Variants in TANC2 observed in about 807,000 individuals in gnomAD.
TANC2 encodes protein TANC2.
Under a neutral mutation model 210.5 loss-of-function variants are expected in TANC2, and 26 were observed. The observed-to-expected ratio is 0.12, with a 90% CI of 0.09 to 0.17. TANC2 has a LOEUF of 0.17. TANC2 is among the 10% of genes least tolerant of loss of function. The probability of loss-of-function intolerance (pLI) is 1.00; values close to 1 mark genes in which losing one functional copy is unlikely to be tolerated. For synonymous variants in TANC2, 931 were observed against 967.1 expected (o/e 0.96, Z 0.69); for missense variants, 2,129 against 2,608.9 (o/e 0.82, Z 4.01).
intron 7 of TANC2, among the ~76,000 whole-genome samples, chr17:63,227,115 C>T (rs2042349210): frequency 6.6e-6 from 1 of 152,032 alleles, no homozygotes; most frequent in South Asian, 2.1e-4. Context: ...TGGGTATATA[C>T]CCAGTAATAG....
Position 63,108,440 on chromosome 17 carries a change from G to C in TANC2, c.322+9083G>C, listed in dbSNP as rs552333624. On this transcript the variant is annotated intron_variant, in intron 4 of 27. Coordinates refer to ENST00000689528, the Ensembl canonical transcript of TANC2. ...AAGTTTTTAAAAGCTTAATTCAGCC[G>C]AGTGTAGAACCTCATACTGAAAAAC... Among the ~76,000 whole-genome samples the C allele has an allele frequency of 3.3e-5, 5 of 151,856 alleles. 1 individual carries two copies. The highest frequency in any genetic ancestry group is 1.2e-4 in the African/African-American group (5 of 41,138).
chr17:63,368,293 T>C (rs2047168408), intron 14 of TANC2, among the ~76,000 whole-genome samples: 1 of 151,982 alleles, frequency 6.6e-6, no homozygotes, highest in Admixed American at 6.6e-5. Context: ...AGAAAGTGAG[T>C]CCTATTTTGG....
At chr17:63,182,935 G>A (rs1193782057) in intron 5 of TANC2, 1 of 152,266 alleles carries the variant, frequency 6.6e-6, no homozygotes, top group Non-Finnish European at 1.5e-5. Context: ...GAGGATTAAG[G>A]AACATTTCTT....
At chr17:63,112,616 T>C (rs1177409606) in intron 4 of TANC2, among the ~76,000 whole-genome samples, 1 of 152,196 alleles carries the variant, frequency 6.6e-6, no homozygotes, top group Non-Finnish European at 1.5e-5. Flanking sequence ...CTGGGCAGAT[T>C]AGTTCTTTTT....
At chr17:63,219,642 C>T (rs2042116021) in intron 7 of TANC2, among the ~76,000 whole-genome samples, 1 of 152,082 alleles carries the variant, frequency 6.6e-6, no homozygotes, top group Admixed American at 6.6e-5. Flanking sequence ...AACTCCTGAC[C>T]TTAGGTGATC....
At chr17:63,054,614 C>T (rs145444093) in intron 2 of TANC2, among the ~76,000 whole-genome samples, 4,294 of 151,594 alleles carry the variant, frequency 0.028, 79 homozygotes, top group South Asian at 0.037. Context: ...ATCTCCTGAC[C>T]TTTTGATCCC....
chr17:63,012,155 T>C (rs1470853595), intron 2 of TANC2, among the ~76,000 whole-genome samples: 2 of 151,988 alleles, frequency 1.3e-5, no homozygotes, highest in African/African-American at 4.8e-5. Context: ...TAGCTGGGAC[T>C]ACAGGTGTAC....
At chr17:63,007,517 A>G (rs73339678) in intron 1 of TANC2, among the ~76,000 whole-genome samples, 3,300 of 152,196 alleles carry the variant, frequency 0.022, 108 homozygotes, top group African/African-American at 0.074. Flanking sequence ...CCACAGATCT[A>G]TGCTGCTTTT....
At chr17:63,392,227 A>G (rs2048003831) in intron 17 of TANC2, among the ~76,000 whole-genome samples, 1 of 152,140 alleles carries the variant, frequency 6.6e-6, no homozygotes, top group Non-Finnish European at 1.5e-5. Flanking sequence ...CTTAACCCCA[A>G]ATTGCTAATT....
At chr17:63,021,672 G>A (rs1372582722) in intron 2 of TANC2, among the ~76,000 whole-genome samples, 1 of 152,202 alleles carries the variant, frequency 6.6e-6, no homozygotes, top group Non-Finnish European at 1.5e-5. Context: ...CTGAGAGAGT[G>A]GAGTTGTTGC....
chr17:63,098,925 T>C lies in TANC2; in HGVS notation c.140-250T>C, dbSNP rs552752539. Among the ~76,000 whole-genome samples the C allele has an allele frequency of 4.6e-5, 7 of 152,302 alleles. No individual in the cohort carries two copies. In the South Asian group the frequency reaches 1.5e-3, roughly 32 times the overall value. Reference sequence around the variant, plus strand: ...GAAATTATTTTCTTGTATTTCCTTATATGATTGCATCTCTCATGAGATAGT... The same window carrying C: ...GAAATTATTTTCTTGTATTTCCTTACATGATTGCATCTCTCATGAGATAGT... On this transcript the variant is annotated intron_variant, in intron 3 of 27. Coordinates refer to ENST00000689528, the Ensembl canonical transcript of TANC2.
rs149926438 is a variant in TANC2, at chr17:63,233,294, C to T, written c.770-4520C>T. Among the ~76,000 whole-genome samples the T allele has an allele frequency of 7.4e-4, 112 of 152,242 alleles. 7 individuals carry two copies. In the East Asian group the frequency reaches 0.01, roughly 14 times the overall value. ...CTTAGGCAGTTTCCAGCCAAGAGGCCGCCGAGAATCTGCACAGCTCTGTGC... is the reference window on the plus strand; with the variant it reads ...CTTAGGCAGTTTCCAGCCAAGAGGCTGCCGAGAATCTGCACAGCTCTGTGC... On this transcript the variant is annotated intron_variant, in intron 7 of 27. Coordinates refer to ENST00000689528, the Ensembl canonical transcript of TANC2.
intron 5 of TANC2, among the ~76,000 whole-genome samples, chr17:63,191,931 A>G (rs1280759662): frequency 6.6e-6 from 1 of 152,168 alleles, no homozygotes; most frequent in African/African-American, 2.4e-5. Context: ...GCATACTTTC[A>G]GGAAGAGGAG....
chr17:63,236,500 A>G (rs2042624574), intron 7 of TANC2, among the ~76,000 whole-genome samples: 2 of 152,092 alleles, frequency 1.3e-5, no homozygotes, highest in Non-Finnish European at 2.9e-5. Flanking sequence ...TTTTAAATTC[A>G]CTGTTTAAAT....
In TANC2 at chr17:62,966,569, G is replaced by A. The variant is rs915307232; in HGVS notation, c.-204G>A. Among the ~76,000 whole-genome samples, 17 of 151,096 alleles carry A rather than the reference G, an allele frequency of 1.1e-4. No homozygotes were observed. The highest frequency in any genetic ancestry group is 4.1e-4 in the African/African-American group (17 of 41,424). ...GCTGACAGGAGCACCGCCGCGGGCT[G>A]CGCTCGCCGGCTGCGAGGCCCCGCC... On this transcript the variant is annotated 5_prime_UTR_variant, in exon 1 of 28. Coordinates refer to ENST00000689528, the Ensembl canonical transcript of TANC2. This position sits in a 1 kb window ranked among gnomAD's most constrained non-coding sequence, Gnocchi z 5.1.
chr17:63,074,543 G>C (rs1049387824), intron 3 of TANC2, among the ~76,000 whole-genome samples: 1 of 152,086 alleles, frequency 6.6e-6, no homozygotes, highest in Non-Finnish European at 1.5e-5. Context: ...GAAATACCCA[G>C]TTAGACCTTT....
chr17:63,159,131 T>C (rs2039938492), intron 5 of TANC2, among the ~76,000 whole-genome samples: 1 of 152,100 alleles, frequency 6.6e-6, no homozygotes, highest in Admixed American at 6.5e-5. Context: ...TCTATCACTT[T>C]TTGCCATATT....
intron 6 of TANC2, among the ~76,000 whole-genome samples, chr17:63,194,341 T>G (rs1319278379): frequency 6.6e-6 from 1 of 152,218 alleles, no homozygotes; most frequent in Non-Finnish European, 1.5e-5. Context: ...AGGTTTTGAT[T>G]GATTTAATGA....
chr17:63,055,965 CAAAAAAAAAAAAAAA>C (rs869063496), intron 2 of TANC2, among the ~76,000 whole-genome samples: 6 of 52,616 alleles, frequency 1.1e-4, no homozygotes, highest in African/African-American at 4.4e-4. Flanking sequence ...TCATCTCTAC[CAAAAAAAAAAAAAAA>C]AAAAAAAAAA....
Sources: allele counts gnomAD v4.1 joint callset (sites outside exome capture counted in the v4.1 genomes callset), GRCh38; gene constraint gnomAD v4.1.1; non-coding constraint Gnocchi (gnomAD v3.1); transcripts MANE v1.5; gene names NCBI Gene and HGNC (gene_info 2026-07-23, HGNC 2026-07-21).